Variants in KCNIP1 observed in about 807,000 individuals in gnomAD.
KCNIP1 encodes the protein potassium voltage-gated channel interacting protein 1.
A neutral mutation model predicts 33.0 loss-of-function variants in KCNIP1; 18 were observed. The observed-to-expected ratio is 0.55, with a 90% CI of 0.38 to 0.81. KCNIP1 has a LOEUF of 0.81. Ranked by LOEUF, KCNIP1 falls within the 30% of genes least tolerant of loss-of-function variation. KCNIP1 has a pLI of 0.00. For missense variants in KCNIP1, 238 were observed against 271.6 expected, an observed-to-expected ratio of 0.88 and a Z score of 0.87; for synonymous variants, 93 against 98.3, an observed-to-expected ratio of 0.95 and a Z score of 0.32.
At chr5:170,548,848 A>T (rs1003237246) in intron 1 of KCNIP1, among the ~76,000 whole-genome samples, 10 of 152,214 alleles carry the variant, frequency 6.6e-5, no homozygotes, top group African/African-American at 1.9e-4. Flanking sequence ...TAATTATTTA[A>T]AGGCAGTGGA....
At chr5:170,507,576 G>A (rs528581830) in intron 1 of KCNIP1, among the ~76,000 whole-genome samples, 8 of 152,298 alleles carry the variant, frequency 5.3e-5, no homozygotes, top group South Asian at 2.1e-4. Flanking sequence ...ACAGATGCTC[G>A]TCCCTTGCTT....
At chr5:170,620,697 A>G (rs1343930735) in intron 1 of KCNIP1, among the ~76,000 whole-genome samples, 1 of 152,216 alleles carries the variant, frequency 6.6e-6, no homozygotes, top group Non-Finnish European at 1.5e-5. Flanking sequence ...ATCTTGACTA[A>G]TTTAAAAAAT....
chr5:170,608,845 A>G (rs1759034717), intron 1 of KCNIP1, among the ~76,000 whole-genome samples: 2 of 151,856 alleles, frequency 1.3e-5, no homozygotes, highest in Admixed American at 1.3e-4. Context: ...AAGTCATATT[A>G]CTCCCCCCTT....
chr5:170,704,136 T>A lies in KCNIP1; in HGVS notation c.62-14622T>A, dbSNP rs1488952945. Among the ~76,000 whole-genome samples the A allele has an allele frequency of 1.5e-5, 2 of 137,404 alleles. 1 individual carries two copies. The highest frequency in any genetic ancestry group is 1.6e-4 in the Admixed American group (2 of 12,498). The allele number at this position is 137,404 out of a possible 152,430, so 90.1% of individuals were successfully genotyped here. A position where few individuals can be genotyped will look rare whatever the true frequency, so the allele number is the denominator to read the frequency against. Reference sequence around the variant, plus strand: ...ATAGGATTAGTGCCAGATGATCACATGCTCTGGTAGACAGGGGTCTGTGCA... The same window carrying A: ...ATAGGATTAGTGCCAGATGATCACAAGCTCTGGTAGACAGGGGTCTGTGCA... On this transcript the variant is annotated intron_variant, in intron 1 of 7. Transcript: ENST00000328939.
chr5:170,468,162 C>A (rs1429976140), intron 1 of KCNIP1, among the ~76,000 whole-genome samples: 1 of 151,954 alleles, frequency 6.6e-6, no homozygotes, highest in African/African-American at 2.4e-5. Context: ...GATTTGGAAC[C>A]TGTAAAAGAA....
At chr5:170,354,288 GA>G (rs1245040950) in intron 1 of KCNIP1, among the ~76,000 whole-genome samples, 1 of 152,194 alleles carries the variant, frequency 6.6e-6, no homozygotes, top group Non-Finnish European at 1.5e-5. Context: ...GGAGTTTCAA[GA>G]AGTTATCCAT....
At chr5:170,515,317 T>G (rs1755081126) in intron 1 of KCNIP1, among the ~76,000 whole-genome samples, 1 of 152,234 alleles carries the variant, frequency 6.6e-6, no homozygotes, top group Non-Finnish European at 1.5e-5. Flanking sequence ...ATTGCATCTG[T>G]TCTCACCTGG....
intron 1 of KCNIP1, among the ~76,000 whole-genome samples, chr5:170,485,220 G>A (rs1040107985): frequency 1.1e-4 from 16 of 152,196 alleles, no homozygotes; most frequent in Non-Finnish European, 1.9e-4. Context: ...GATTATAGGT[G>A]TAAGCCACCG....
At chr5:170,598,133 C>T (rs1027619839) in intron 1 of KCNIP1, among the ~76,000 whole-genome samples, 9 of 152,112 alleles carry the variant, frequency 5.9e-5, no homozygotes, top group Non-Finnish European at 1.3e-4. Context: ...CTAATCAGAC[C>T]GTGTATTTTA....
At chr5:170,575,243 C>A (rs1167455761) in intron 1 of KCNIP1, among the ~76,000 whole-genome samples, 1 of 152,148 alleles carries the variant, frequency 6.6e-6, no homozygotes, top group Non-Finnish European at 1.5e-5. Flanking sequence ...TGAATAAGAG[C>A]TAAAAAGCAT....
intron 1 of KCNIP1, among the ~76,000 whole-genome samples, chr5:170,453,069 C>T (rs1270596530): frequency 6.6e-6 from 1 of 152,130 alleles, no homozygotes; most frequent in African/African-American, 2.4e-5. Context: ...ATTATACGTC[C>T]GTGCAGTCAA....
intron 1 of KCNIP1, among the ~76,000 whole-genome samples, chr5:170,666,885 G>A (rs1438541200): frequency 6.6e-6 from 1 of 152,242 alleles, no homozygotes; most frequent in East Asian, 1.9e-4. Flanking sequence ...CAGACTCTGA[G>A]GAAGTGAATA....
At chr5:170,458,332 C>CA (rs1353921735) in intron 1 of KCNIP1, among the ~76,000 whole-genome samples, 5 of 152,166 alleles carry the variant, frequency 3.3e-5, no homozygotes, top group African/African-American at 1.2e-4. Flanking sequence ...CATCCAAATA[C>CA]AAGAGGCTCA....
At chr5:170,466,016 C>A (rs1007363408) in intron 1 of KCNIP1, among the ~76,000 whole-genome samples, 2 of 152,138 alleles carry the variant, frequency 1.3e-5, no homozygotes, top group Admixed American at 1.3e-4. Flanking sequence ...TACCACGGGC[C>A]AGATGTGGGA....
intron 1 of KCNIP1, among the ~76,000 whole-genome samples, chr5:170,670,908 A>AAAT (rs1554109769): frequency 3.8e-4 from 50 of 132,278 alleles, no homozygotes; most frequent in South Asian, 1.8e-3. Flanking sequence ...AAAACAAAAA[A>AAAT]AAAAATAAAA....
intron 1 of KCNIP1, among the ~76,000 whole-genome samples, chr5:170,574,314 C>T (rs1757520593): frequency 6.6e-6 from 1 of 152,184 alleles, no homozygotes; most frequent in Non-Finnish European, 1.5e-5. Flanking sequence ...TAAATAAAGA[C>T]CCAAAACACT....
chr5:170,692,282 C>A (rs1049763724), intron 1 of KCNIP1, among the ~76,000 whole-genome samples: 3 of 152,112 alleles, frequency 2.0e-5, no homozygotes, highest in African/African-American at 7.2e-5. Flanking sequence ...CTGGGTGGGA[C>A]CCCTGGAAGA....
At chr5:170,719,250 G>A (rs958619535) in intron 2 of KCNIP1, among the ~76,000 whole-genome samples, 6 of 151,988 alleles carry the variant, frequency 3.9e-5, no homozygotes, top group Non-Finnish European at 5.9e-5. Context: ...CAGGCTCACC[G>A]AGACTGATGT....
At chr5:170,708,586 C>T (rs1038665753) in intron 1 of KCNIP1, among the ~76,000 whole-genome samples, 1 of 152,158 alleles carries the variant, frequency 6.6e-6, no homozygotes, top group Non-Finnish European at 1.5e-5. Context: ...CATGAGGTTG[C>T]TTTTTTGATA....
Sources: allele counts gnomAD v4.1 joint callset (sites outside exome capture counted in the v4.1 genomes callset), GRCh38; gene constraint gnomAD v4.1.1; transcripts MANE v1.5; gene names NCBI Gene and HGNC (gene_info 2026-07-23, HGNC 2026-07-21).